The following DHX32 variants were observed in gnomAD, a reference collection of about 807,000 sequenced individuals.
The protein encoded by DHX32 is DEAH-box helicase 32 (putative), also known as putative pre-mRNA-splicing factor ATP-dependent RNA helicase DHX32.
In DHX32, 51 loss-of-function variants were observed where a neutral mutation model predicts 70.0. The ratio of observed to expected loss-of-function variants is 0.73; its 90% CI spans 0.58 to 0.92. The LOEUF (loss-of-function observed/expected upper bound fraction) is 0.92, where lower values mean the gene tolerates loss of function less well. Among genes scored for constraint, DHX32 ranks in the 40% least tolerant of loss-of-function variants. DHX32 has a pLI of 0.00. For missense variants in DHX32, 762 were observed against 891.8 expected (o/e 0.85, Z 1.85); for synonymous variants, 310 against 315.3 (o/e 0.98, Z 0.18).
intron 1 of DHX32, among the ~76,000 whole-genome samples, chr10:125,870,237 C>T: frequency 6.6e-6 from 1 of 152,082 alleles, no homozygotes; most frequent in Non-Finnish European, 1.5e-5. Context: ...AACGGAAAAG[C>T]AAGGCAGGAG....
At chr10:125,848,021 T>C (rs1360485845) in intron 6 of DHX32, among the ~76,000 whole-genome samples, 1 of 152,232 alleles carries the variant, frequency 6.6e-6, no homozygotes, top group Admixed American at 6.5e-5. Flanking sequence ...GACCCCTGCA[T>C]TAATGTATAT....
intron 1 of DHX32, among the ~76,000 whole-genome samples, chr10:125,867,694 C>T (rs899510652): frequency 4.7e-5 from 7 of 149,530 alleles, no homozygotes; most frequent in Non-Finnish European, 8.9e-5. Context: ...AGAGATTGTG[C>T]CACTGCACGC....
intron 7 of DHX32, chr10:125,841,223 A>G (rs779377822): frequency 1.4e-5 from 22 of 1,598,840 alleles, no homozygotes; most frequent in Non-Finnish European, 1.7e-5. Context: ...GGTCAACTGA[A>G]TATGGTTAAT....
intron 4 of DHX32, chr10:125,853,218 T>G: frequency 1.2e-6 from 2 of 1,611,968 alleles, no homozygotes; most frequent in Non-Finnish European, 1.7e-6. Context: ...GGAACCTTCA[T>G]GACTGTTGGA....
intron 2 of DHX32, among the ~76,000 whole-genome samples, chr10:125,860,358 A>G (rs1193331354): frequency 1.3e-5 from 2 of 152,224 alleles, no homozygotes; most frequent in Non-Finnish European, 2.9e-5. Context: ...GAATTCATCA[A>G]TGAAAGAATT....
At chr10:125,878,228 T>G (rs1344353209) in intron 1 of DHX32, among the ~76,000 whole-genome samples, 7 of 152,206 alleles carry the variant, frequency 4.6e-5, no homozygotes. Flanking sequence ...TTTGAGAAAG[T>G]GTAGACATAG....
In DHX32 at chr10:125,852,326, C is replaced by T. The variant is rs1333589680; in HGVS notation, c.1318G>A (p.Gly440Ser). The change falls in exon 6 of 11, where the codon GGC (glycine) becomes AGC (serine). Residue 440 changes from glycine to serine, a missense_variant. Physicochemically the swap from Gly to Ser is moderately conservative, Grantham distance 56. This residue lies in a region of DHX32 where 366 missense variants were observed against 402.6 expected (regional missense o/e 0.91). Coordinates refer to ENST00000284690, the MANE Select transcript of DHX32 (RefSeq NM_018180.3). ...VLFMKRIDIA[G>S]LGHCDFMNRP... The stretch of plus-strand genomic sequence containing the variant: ...TTCATGAAGTCACAGTGGCCTAGGC[C>T]CGCAATGTCTATCCTCTTCATAAAA... The T allele has an allele frequency of 1.9e-6, 3 of 1,614,094 alleles. No homozygotes were observed. The highest frequency in any genetic ancestry group is 2.5e-6 in the Non-Finnish European group (3 of 1,180,032).
chr10:125,839,267 C>G (rs907197323), intron 8 of DHX32, 79 bp from the exon 9 acceptor site: 1 of 1,450,656 alleles, frequency 6.9e-7, no homozygotes, highest in Non-Finnish European at 9.4e-7. Flanking sequence ...CAGTTGCCAT[C>G]TTTAAGCCCT....
chr10:125,858,397 A>T (rs1357180904), intron 3 of DHX32, among the ~76,000 whole-genome samples: 1 of 152,226 alleles, frequency 6.6e-6, no homozygotes, highest in Non-Finnish European at 1.5e-5. Context: ...TGATAACAGA[A>T]TAAATCACTG....
Position 125,881,161 on chromosome 10 carries a change from T to A in DHX32, c.-337A>T. 1 of 206,650 alleles carries A rather than the reference T, an allele frequency of 4.8e-6. No individual in the cohort carries two copies. Among genetic ancestry groups the A allele is most frequent in the Non-Finnish European group, 9.4e-6 (1 of 106,456 alleles). The allele number at this position is 206,650 out of a possible 1,614,324, so 12.8% of individuals were successfully genotyped here. On this transcript the variant is annotated 5_prime_UTR_variant, in exon 1 of 11. Coordinates refer to ENST00000284690, the MANE Select transcript of DHX32 (RefSeq NM_018180.3). ...GCACAGGAGTTCAAATGAAAAGCAT[T>A]ATTTTTTTTTTTTCTGTTAACGGGT... is the stretch of plus-strand genomic sequence containing the variant.
intron 4 of DHX32, among the ~76,000 whole-genome samples, chr10:125,852,936 G>C (rs992028017): frequency 6.6e-6 from 1 of 152,148 alleles, no homozygotes; most frequent in African/African-American, 2.4e-5. Flanking sequence ...CTGTACTGGT[G>C]AATGATAACA....
At chr10:125,842,506 A>C (rs1187601109) in intron 6 of DHX32, 1 of 152,412 alleles carries the variant, frequency 6.6e-6, no homozygotes, top group African/African-American at 2.4e-5. Flanking sequence ...GGTAGAAAAC[A>C]CAAGTGAGAA....
At chr10:125,871,186 G>C (rs1165715155) in intron 1 of DHX32, among the ~76,000 whole-genome samples, 1 of 152,118 alleles carries the variant, frequency 6.6e-6, no homozygotes, top group Non-Finnish European at 1.5e-5. Context: ...GTTGATAATA[G>C]TATAAACATT....
At position 125,854,189 on chromosome 10, in the gene DHX32, G is replaced by T; in HGVS notation, c.864C>A (p.Val288=). 1 of 1,600,232 alleles carries T rather than the reference G, an allele frequency of 6.2e-7. No individual in the cohort carries two copies. The highest frequency in any genetic ancestry group is 8.5e-7 in the Non-Finnish European group (1 of 1,175,326). ...FLACEQDIEK[V]CETVYQGSNL... ...TAGATCCTTGATAGACAGTTTCACA[G>T]ACTTTCTCAATATCCTAAAGAAAAA... The change falls in exon 4 of 11, where the codon GTC becomes GTA. Residue 288 remains valine (V), a synonymous_variant. Coordinates refer to ENST00000284690, the MANE Select transcript of DHX32 (RefSeq NM_018180.3).
chr10:125,884,000 A>G (rs1944331194), upstream of DHX32, among the ~76,000 whole-genome samples: 1 of 152,204 alleles, frequency 6.6e-6, no homozygotes, highest in Non-Finnish European at 1.5e-5. Context: ...CTTGTTTGAC[A>G]GACACATTTG....
At chr10:125,895,347 T>C (rs934868887) in intron 1 of DHX32, among the ~76,000 whole-genome samples, 1 of 152,274 alleles carries the variant, frequency 6.6e-6, no homozygotes, top group African/African-American at 2.4e-5. Flanking sequence ...AAGTACTGTC[T>C]GGAGCAGCGG....
intron 2 of DHX32, among the ~76,000 whole-genome samples, chr10:125,861,647 G>A (rs1204068190): frequency 6.6e-6 from 1 of 152,160 alleles, no homozygotes; most frequent in Non-Finnish European, 1.5e-5. Context: ...TGGGCACTGA[G>A]CCTGAGTTTC....
At chr10:125,881,511 A>T (rs1256950224), upstream of DHX32, among the ~76,000 whole-genome samples, 1 of 152,236 alleles carries the variant, frequency 6.6e-6, no homozygotes, top group Non-Finnish European at 1.5e-5. Flanking sequence ...AAAATCTATT[A>T]TTAAGAAATC....
intron 6 of DHX32, among the ~76,000 whole-genome samples, chr10:125,849,660 G>A (rs1944065565): frequency 1.3e-5 from 2 of 152,236 alleles, no homozygotes; most frequent in Admixed American, 1.3e-4. Flanking sequence ...CACTGCGGCA[G>A]AGCTATGGGG....
Sources: gnomAD v4.1 joint callset for allele counts (sites outside exome capture counted in the v4.1 genomes callset) on GRCh38, gnomAD v4.1.1 for gene constraint, gnomAD v4.1.1 regional missense constraint, MANE v1.5 for transcripts, NCBI Gene and HGNC (gene_info 2026-07-23, HGNC 2026-07-21) for gene names.